The following FBN2 variants were observed in gnomAD, a reference collection of about 807,000 sequenced individuals.
FBN2 encodes the protein fibrillin 2, also known as fibrillin-2.
Under a neutral mutation model 355.6 loss-of-function variants are expected in FBN2, and 105 were observed. The ratio of observed to expected loss-of-function variants is 0.30; its 90% confidence interval spans 0.25 to 0.35. The LOEUF (loss-of-function observed/expected upper bound fraction) is 0.35. FBN2 is among the 10% of genes least tolerant of loss of function. The probability of loss-of-function intolerance (pLI) is 1.00; values close to 1 mark genes in which losing one functional copy is unlikely to be tolerated. For synonymous variants in FBN2, 1,350 were observed against 1,301.2 expected, an observed-to-expected ratio of 1.04 and a Z score of -0.81; for missense variants, 3,280 against 3,758.7, an observed-to-expected ratio of 0.87 and a Z score of 3.33.
intron 7 of FBN2, among the ~76,000 whole-genome samples, chr5:128,430,680 C>A (rs1753594616): frequency 1.3e-5 from 2 of 151,852 alleles, no homozygotes; most frequent in South Asian, 4.2e-4. Context: ...CCTGTCTCTA[C>A]TAAAAATACA....
chr5:128,286,910 G>C (rs1251156373), intron 54 of FBN2, 61 bp from the exon 55 acceptor site: 1 of 1,515,732 alleles, frequency 6.6e-7, no homozygotes, highest in Non-Finnish European at 9.0e-7. Flanking sequence ...GTACTTTTAA[G>C]TCACAGGTGT....
chr5:128,455,807 A>G (rs1477310110), intron 6 of FBN2, among the ~76,000 whole-genome samples: 2 of 151,692 alleles, frequency 1.3e-5, no homozygotes, highest in African/African-American at 4.8e-5. Flanking sequence ...GAATCGGAGG[A>G]TCCCACTCTC....
chr5:128,531,873 GA>G lies in FBN2; in HGVS notation c.338-1181del, dbSNP rs546196572. On this transcript the variant is annotated intron_variant, in intron 2 of 64. Transcript: ENST00000262464. Reference sequence around the variant, plus strand: ...TAAACAGTTAAAGCTTTGCAATAAGGAAAAAAAAATTGCATAATCCTAAATC... The same window carrying G: ...TAAACAGTTAAAGCTTTGCAATAAGGAAAAAAAATTGCATAATCCTAAATC... Among the ~76,000 whole-genome samples, 894 of 150,378 alleles carry G rather than the reference GA, an allele frequency of 5.9e-3. 6 individuals carry two copies. Among genetic ancestry groups the G allele is most frequent in the East Asian group, 8.0e-3 (41 of 5,130 alleles).
chr5:128,291,722 C>G (rs1442092967), intron 48 of FBN2, 68 bp from the exon 49 acceptor site: 5 of 1,377,312 alleles, frequency 3.6e-6, no homozygotes, highest in African/African-American at 1.4e-5. Context: ...CATACTATCA[C>G]TGTCCACTAG....
intron 11 of FBN2, among the ~76,000 whole-genome samples, chr5:128,383,172 G>A (rs984226102): frequency 6.6e-6 from 1 of 152,094 alleles, no homozygotes; most frequent in Non-Finnish European, 1.5e-5. Flanking sequence ...GTGAGTCAGA[G>A]CTGAGAGTCC....
intron 57 of FBN2, 147 bp from the exon 58 acceptor site, chr5:128,278,152 G>A (rs1289345981): frequency 1.3e-6 from 1 of 795,140 alleles, no homozygotes; most frequent in Non-Finnish European, 2.1e-6. Context: ...TCATCATTCA[G>A]GTGAACAGCA....
chr5:128,291,379 G>T, intron 49 of FBN2, 150 bp downstream of exon 49: 1 of 814,092 alleles, frequency 1.2e-6, no homozygotes, highest in Non-Finnish European at 2.0e-6. Flanking sequence ...ATTGTTCATT[G>T]CTTATGTTTG....
chr5:128,277,770 A>G (rs1765431704), intron 58 of FBN2, 110 bp downstream of exon 58: 6 of 1,212,852 alleles, frequency 4.9e-6, no homozygotes, highest in African/African-American at 1.5e-5. Flanking sequence ...TTAATAAAAT[A>G]TATATTCCAA....
intron 7 of FBN2, among the ~76,000 whole-genome samples, chr5:128,445,796 C>T (rs1754049476): frequency 6.6e-6 from 1 of 152,058 alleles, no homozygotes; most frequent in Non-Finnish European, 1.5e-5. Context: ...TTAGAAACTT[C>T]TTGAATTTTA....
intron 7 of FBN2, among the ~76,000 whole-genome samples, chr5:128,432,878 A>G (rs116642950): frequency 0.011 from 1,748 of 152,102 alleles, 28 homozygotes; most frequent in Non-Finnish European, 0.013. Flanking sequence ...AGACCTCAGG[A>G]AACTTACAAT....
intron 6 of FBN2, among the ~76,000 whole-genome samples, chr5:128,447,556 T>C (rs1754102498): frequency 6.6e-6 from 1 of 152,202 alleles, no homozygotes; most frequent in Non-Finnish European, 1.5e-5. Context: ...CCTGATAAGA[T>C]GTTATCAATG....
intron 48 of FBN2, among the ~76,000 whole-genome samples, chr5:128,297,255 A>T (rs1561755186): frequency 6.6e-6 from 1 of 152,168 alleles, no homozygotes; most frequent in Non-Finnish European, 1.5e-5. Context: ...CTTTACTTCC[A>T]AGTATGTGGT....
chr5:128,369,006 T>A (rs565687266), intron 16 of FBN2, among the ~76,000 whole-genome samples, 176 bp downstream of exon 16: 1 of 152,246 alleles, frequency 6.6e-6, no homozygotes, highest in South Asian at 2.1e-4. Context: ...AAATCGTATA[T>A]AAACACAAGC....
At chr5:128,495,510 A>C (rs1356104157) in intron 5 of FBN2, among the ~76,000 whole-genome samples, 1 of 152,184 alleles carries the variant, frequency 6.6e-6, no homozygotes, top group African/African-American at 2.4e-5. Flanking sequence ...GACATATCAC[A>C]GTAAAAACAT....
At chr5:128,483,209 C>A (rs114311230) in intron 5 of FBN2, among the ~76,000 whole-genome samples, 1 of 152,232 alleles carries the variant, frequency 6.6e-6, no homozygotes, top group East Asian at 1.9e-4. Flanking sequence ...TTGGGTACCA[C>A]GCTCAGTACC....
intron 5 of FBN2, among the ~76,000 whole-genome samples, chr5:128,506,660 G>A (rs1225756873): frequency 6.6e-6 from 1 of 151,928 alleles, no homozygotes; most frequent in Non-Finnish European, 1.5e-5. Flanking sequence ...ATTGCCTATT[G>A]CCATTGCTAG....
At chr5:128,396,675 G>C (rs1020116270) in intron 8 of FBN2, among the ~76,000 whole-genome samples, 5 of 152,222 alleles carry the variant, frequency 3.3e-5, no homozygotes, top group Admixed American at 6.5e-5. Flanking sequence ...GTTGCATAGG[G>C]ATAAATTATC....
chr5:128,524,242 G>C (rs1445369631), intron 4 of FBN2, among the ~76,000 whole-genome samples: 5 of 152,088 alleles, frequency 3.3e-5, no homozygotes, highest in African/African-American at 7.2e-5. Flanking sequence ...TAGATTTAAA[G>C]GCACAGACTC....
intron 57 of FBN2, among the ~76,000 whole-genome samples, chr5:128,278,368 C>T (rs756282786): frequency 2.0e-5 from 3 of 152,164 alleles, no homozygotes; most frequent in Non-Finnish European, 4.4e-5. Flanking sequence ...CTTTGTGCTT[C>T]ATTTTCCTCA....
Sources: allele counts gnomAD v4.1 joint callset (sites outside exome capture counted in the v4.1 genomes callset), GRCh38; gene constraint gnomAD v4.1.1; transcripts MANE v1.5; gene names NCBI Gene and HGNC (gene_info 2026-07-23, HGNC 2026-07-21).